The following RASA1 variants were observed in gnomAD, a reference collection of about 807,000 sequenced individuals.
The protein encoded by RASA1 is ras GTPase-activating protein 1.
Under a neutral mutation model 132.2 loss-of-function variants are expected in RASA1, and 25 were observed. The observed-to-expected ratio is 0.19, with a 90% CI of 0.14 to 0.26. The LOEUF is 0.26. RASA1 is among the 10% of genes least tolerant of loss of function. The pLI is 1.00. For synonymous variants in RASA1, 477 were observed against 449.9 expected, an observed-to-expected ratio of 1.06 and a Z score of -0.76; for missense variants, 964 against 1,299.2, an observed-to-expected ratio of 0.74 and a Z score of 3.97.
chr5:87,390,313 G>T (rs1762407563), intron 24 of RASA1, among the ~76,000 whole-genome samples: 1 of 152,082 alleles, frequency 6.6e-6, no homozygotes, highest in Non-Finnish European at 1.5e-5. Flanking sequence ...TGCTGTCACC[G>T]CACTGGCTAA....
chr5:87,325,745 T>G (rs763518063), intron 1 of RASA1, among the ~76,000 whole-genome samples: 4 of 152,242 alleles, frequency 2.6e-5, no homozygotes, highest in Non-Finnish European at 5.9e-5. Context: ...TAGCACTGTT[T>G]TAATGGTTTT....
At chr5:87,368,558 G>A (rs1169986688) in intron 11 of RASA1, among the ~76,000 whole-genome samples, 5 of 152,108 alleles carry the variant, frequency 3.3e-5, no homozygotes, top group Non-Finnish European at 1.5e-5. Flanking sequence ...TTGTTCTTAC[G>A]GATGGTATAG....
At chr5:87,277,686 C>T (rs1222192533) in intron 1 of RASA1, among the ~76,000 whole-genome samples, 1 of 152,170 alleles carries the variant, frequency 6.6e-6, no homozygotes, top group Non-Finnish European at 1.5e-5. Flanking sequence ...GGTAACTCTA[C>T]ATCTTTAAAA....
At chr5:87,339,677 C>T (rs1228502320) in intron 5 of RASA1, among the ~76,000 whole-genome samples, 1 of 152,036 alleles carries the variant, frequency 6.6e-6, no homozygotes, top group African/African-American at 2.4e-5. Context: ...GACCTCACAT[C>T]AGTACAAGGG....
At chr5:87,298,565 G>T (rs1755222188) in intron 1 of RASA1, among the ~76,000 whole-genome samples, 1 of 152,138 alleles carries the variant, frequency 6.6e-6, no homozygotes, top group African/African-American at 2.4e-5. Context: ...AGAATGAGTA[G>T]TTAGAGGGGA....
chr5:87,384,201 T>C (rs1191201108), intron 21 of RASA1, among the ~76,000 whole-genome samples: 4 of 152,168 alleles, frequency 2.6e-5, no homozygotes, highest in African/African-American at 9.7e-5. Context: ...TGAGTACTTA[T>C]GAAGAAAGCA....
At chr5:87,363,845 C>CACTCAATTCTGCTATTA (rs1458344100) in intron 11 of RASA1, among the ~76,000 whole-genome samples, 4 of 152,008 alleles carry the variant, frequency 2.6e-5, no homozygotes, top group Non-Finnish European at 4.4e-5. Context: ...GTACTAGGTG[C>CACTCAATTCTGCTATTA]ACTCAATTCT....
intron 1 of RASA1, among the ~76,000 whole-genome samples, chr5:87,273,565 A>G (rs1358672640): frequency 1.3e-5 from 2 of 152,104 alleles, no homozygotes; most frequent in African/African-American, 4.8e-5. Flanking sequence ...GAGATTTTTA[A>G]CTGTGAGTCT....
At chr5:87,302,250 G>A (rs764445644) in intron 1 of RASA1, among the ~76,000 whole-genome samples, 1 of 152,052 alleles carries the variant, frequency 6.6e-6, no homozygotes, top group African/African-American at 2.4e-5. Context: ...GGTTGGTGGT[G>A]TAATAGCTCT....
intron 20 of RASA1, 60 bp from the exon 21 acceptor site, chr5:87,383,653 T>A (rs1417334502): frequency 5.5e-6 from 7 of 1,261,274 alleles, no homozygotes; most frequent in Middle Eastern, 2.1e-4. Context: ...ATTGTTTTAA[T>A]GTAACACATT....
chr5:87,277,339 CT>C (rs1348937963), intron 1 of RASA1, among the ~76,000 whole-genome samples: 1 of 152,146 alleles, frequency 6.6e-6, no homozygotes, highest in Non-Finnish European at 1.5e-5. Context: ...AGGTTGAAGC[CT>C]TAACCACCAA....
chr5:87,345,849 T>C (rs1758822926), intron 6 of RASA1, among the ~76,000 whole-genome samples: 1 of 152,104 alleles, frequency 6.6e-6, no homozygotes, highest in South Asian at 2.1e-4. Flanking sequence ...AAGTAGTAGA[T>C]AGGTGATCGG....
chr5:87,340,569 G>C (rs750808766), intron 5 of RASA1, among the ~76,000 whole-genome samples: 4 of 152,068 alleles, frequency 2.6e-5, no homozygotes, highest in Non-Finnish European at 5.9e-5. Context: ...AGTGGAATGA[G>C]TAACACTATT....
intron 1 of RASA1, among the ~76,000 whole-genome samples, chr5:87,280,321 CTT>C (rs796080327): frequency 6.8e-6 from 1 of 147,358 alleles, no homozygotes; most frequent in African/African-American, 2.5e-5. Context: ...TTCTTTCTTT[CTT>C]TTTTTTTTTG....
At chr5:87,283,530 C>A (rs1754413839) in intron 1 of RASA1, among the ~76,000 whole-genome samples, 1 of 151,918 alleles carries the variant, frequency 6.6e-6, no homozygotes, top group Non-Finnish European at 1.5e-5. Context: ...TGAAGAAAAA[C>A]CAATCCTTAC....
chr5:87,314,383 T>C (rs970916438), intron 1 of RASA1, among the ~76,000 whole-genome samples: 3 of 152,050 alleles, frequency 2.0e-5, no homozygotes, highest in Non-Finnish European at 4.4e-5. Flanking sequence ...ATATTATAGA[T>C]GTATAAAGAG....
chr5:87,306,696 AAAAG>A (rs570038768), intron 1 of RASA1, among the ~76,000 whole-genome samples: 97 of 152,196 alleles, frequency 6.4e-4, no homozygotes, highest in Non-Finnish European at 1.0e-3. Context: ...TTTTAAGAAA[AAAAG>A]AAAAATCTTG....
intron 4 of RASA1, among the ~76,000 whole-genome samples, chr5:87,336,150 C>T (rs1403260834): frequency 6.6e-6 from 1 of 152,078 alleles, no homozygotes; most frequent in African/African-American, 2.4e-5. Context: ...TTAAGCCAGG[C>T]ATTAAGAGAT....
chr5:87,314,973 A>G (rs1194095443), intron 1 of RASA1, among the ~76,000 whole-genome samples: 1 of 152,246 alleles, frequency 6.6e-6, no homozygotes, highest in Non-Finnish European at 1.5e-5. Context: ...TAAATAAAAC[A>G]TTTTTGAATA....
Sources: gnomAD v4.1 joint callset for allele counts (sites outside exome capture counted in the v4.1 genomes callset) on GRCh38, gnomAD v4.1.1 for gene constraint, MANE v1.5 for transcripts, NCBI Gene and HGNC (gene_info 2026-07-23, HGNC 2026-07-21) for gene names.